The following DNAH2 variants were observed in gnomAD, a reference collection of about 807,000 sequenced individuals.
DNAH2 encodes the protein axonemal beta dynein heavy chain 2.
Under a neutral mutation model 523.5 loss-of-function variants are expected in DNAH2, and 323 were observed. That is an observed-to-expected ratio of 0.62 (90% CI 0.56 to 0.68). The LOEUF is 0.68. Among genes scored for constraint, DNAH2 ranks in the 30% least tolerant of loss-of-function variants. DNAH2 has a pLI of 0.00. For synonymous variants in DNAH2, 2,093 were observed against 2,177.4 expected, an observed-to-expected ratio of 0.96 and a Z score of 1.08; for missense variants, 4,907 against 5,701.5, an observed-to-expected ratio of 0.86 and a Z score of 4.49.
At chr17:7,752,160 TACACACACACAC>T (rs1555544463) in intron 12 of DNAH2, among the ~76,000 whole-genome samples, 1 of 124,952 alleles carries the variant, frequency 8.0e-6, no homozygotes, top group Non-Finnish European at 1.6e-5. Flanking sequence ...TAAGTCATTT[TACACACACACAC>T]ACACACACAC....
chr17:7,780,582 G>A lies in DNAH2; in HGVS notation c.5851-48G>A, dbSNP rs2076576282. 6.2e-7 allele frequency: 1 copy of A among 1,605,858 alleles called. No individual in the cohort carries two copies. The highest frequency in any genetic ancestry group is 1.3e-5 in the African/African-American group (1 of 74,840). On this transcript the variant is annotated intron_variant, in intron 37 of 85. Coordinates refer to ENST00000572933, the MANE Select transcript of DNAH2 (RefSeq NM_020877.5). The surrounding 1 kb of genome is among the most constrained non-coding windows in gnomAD (Gnocchi z 4.4). The stretch of plus-strand genomic sequence containing the variant: ...CTGACTGTCCTGAGATGAAGCAGAG[G>A]GATTTGTGGGGAGATGGACTGTTTC...
intron 48 of DNAH2, among the ~76,000 whole-genome samples, chr17:7,793,534 CTT>C (rs2076978886): frequency 8.8e-6 from 1 of 114,272 alleles, no homozygotes; most frequent in African/African-American, 3.1e-5. Context: ...CTCTTTCTTT[CTT>C]TTTCTTTCTT....
chr17:7,824,503 A>G (rs2077964698), intron 76 of DNAH2, 34 bp from the exon 77 acceptor site: 1 of 1,491,322 alleles, frequency 6.7e-7, no homozygotes, highest in Non-Finnish European at 9.0e-7. Context: ...GGGCTTAGGA[A>G]ATGATTCCCA....
At chr17:7,824,066 C>G in intron 75 of DNAH2, 55 bp from the exon 76 acceptor site, 3 of 1,574,332 alleles carry the variant, frequency 1.9e-6, no homozygotes, top group Non-Finnish European at 1.7e-6. Flanking sequence ...TCATCTCTCT[C>G]TCCCACTTTG....
Position 7,833,202 on chromosome 17 carries a change from C to T in DNAH2, c.13110C>T (p.Ser4370=). 6.2e-7 allele frequency: 1 copy of T among 1,607,528 alleles called. No homozygotes were observed. Among genetic ancestry groups the T allele is most frequent in the Non-Finnish European group, 8.5e-7 (1 of 1,179,982 alleles). ...CGATCCACTTCCGGCCTGCAGAGAG[C>T]CGCAAGAAGAGCGCCAAGGGTGGGA... ...MPTIHFRPAE[S]RKKSAKGMYS... The change falls in exon 85 of 86, where the codon AGC becomes AGT. Residue 4370 remains serine, a synonymous_variant. Coordinates refer to ENST00000572933, the MANE Select transcript of DNAH2 (RefSeq NM_020877.5).
intron 63 of DNAH2, among the ~76,000 whole-genome samples, chr17:7,813,076 C>A (rs980481135): frequency 3.9e-5 from 6 of 152,188 alleles, no homozygotes; most frequent in Middle Eastern, 3.4e-3. Context: ...AAAGAAGGAA[C>A]CTGGCTGAGT....
At chr17:7,829,212 C>T (rs1320380791) in intron 77 of DNAH2, among the ~76,000 whole-genome samples, 2 of 151,940 alleles carry the variant, frequency 1.3e-5, no homozygotes, top group Non-Finnish European at 2.9e-5. Context: ...AGGGGTTTCA[C>T]CATATTGGCC....
Position 7,832,898 on chromosome 17 carries a change from G to T in DNAH2, c.12948G>T (p.Val4316=). ...CCTGGGAGTTTATCGTTTCCACTGT[G>T]GATGACAGCAACCTAGTGTATCCCC... is the stretch of plus-strand genomic sequence containing the variant. The part of the protein sequence containing the change: ...SLSWEFIVST[V]DDSNLVYPPK... The change falls in exon 84 of 86, where the codon GTG becomes GTT. Residue 4316 remains valine, a synonymous_variant. Coordinates refer to ENST00000572933, the MANE Select transcript of DNAH2 (RefSeq NM_020877.5). This position sits in a 1 kb window ranked among gnomAD's most constrained non-coding sequence, Gnocchi z 4.3. The T allele has an allele frequency of 6.2e-7, 1 of 1,614,192 alleles. No individual in the cohort carries two copies. The highest frequency in any genetic ancestry group is 1.1e-5 in the South Asian group (1 of 91,084).
At chr17:7,736,708 G>A (rs1179205071) in intron 7 of DNAH2, among the ~76,000 whole-genome samples, 7 of 152,222 alleles carry the variant, frequency 4.6e-5, no homozygotes, top group South Asian at 2.1e-4. Flanking sequence ...TGGGCTGGGC[G>A]TGGTGGCTCA....
Position 7,792,734 on chromosome 17 carries a change from A to G in DNAH2, c.7223A>G (p.Asn2408Ser). ...YNYLVSSLVA[N>S]QNPILLVGPV... is the part of the protein sequence containing the mutation. ...TACCTGGTGAGCAGCTTGGTGGCCAACCAGAATCCCATTCTGCTGGTGGGT... is the reference window on the plus strand; with the variant it reads ...TACCTGGTGAGCAGCTTGGTGGCCAGCCAGAATCCCATTCTGCTGGTGGGT... Residue 2408 changes from asparagine (N) to serine (S), a missense_variant, in exon 47 of 86, where the codon AAC becomes AGC. Asn to Ser is a conservative substitution (Grantham distance 46). Around this residue, in one of 3 missense-constraint regions of DNAH2, gnomAD observed 2,806 missense variants for 3,190.8 expected, o/e 0.88. Transcript: ENST00000572933. 3 of 1,614,164 alleles carry G rather than the reference A, an allele frequency of 1.9e-6. No homozygotes were observed. The highest frequency in any genetic ancestry group is 1.1e-5 in the South Asian group (1 of 91,072).
intron 18 of DNAH2, 69 bp from the exon 19 acceptor site, chr17:7,763,762 C>T: frequency 6.3e-7 from 1 of 1,580,040 alleles, no homozygotes; most frequent in Non-Finnish European, 8.7e-7. Flanking sequence ...AGACCTGCAG[C>T]CCGTGTGGGG....
chr17:7,756,519 C>T (rs1248493049), intron 12 of DNAH2, among the ~76,000 whole-genome samples: 5 of 151,424 alleles, frequency 3.3e-5, no homozygotes, highest in African/African-American at 7.3e-5. Context: ...CAAGCGATCA[C>T]CTACCTCAGC....
chr17:7,776,474 G>T (rs1302730859), intron 31 of DNAH2, among the ~76,000 whole-genome samples: 1 of 151,748 alleles, frequency 6.6e-6, no homozygotes, highest in African/African-American at 2.4e-5. Context: ...TAAAAAAAGA[G>T]AAAAAAAGAA....
chr17:7,801,449 A>C, intron 56 of DNAH2, 129 bp from the exon 57 acceptor site: 6 of 1,300,490 alleles, frequency 4.6e-6, no homozygotes, highest in South Asian at 1.3e-5. Context: ...AATTTGGACA[A>C]GGAGATACAG....
chr17:7,792,174 G>T (rs148091119), intron 45 of DNAH2, 78 bp from the exon 46 acceptor site: 1 of 1,599,116 alleles, frequency 6.3e-7, no homozygotes, highest in East Asian at 2.2e-5. Flanking sequence ...TCTTCCACCC[G>T]GTGGTCTGGG....
intron 12 of DNAH2, among the ~76,000 whole-genome samples, chr17:7,751,987 G>C (rs2056089543): frequency 6.7e-6 from 1 of 150,010 alleles, no homozygotes; most frequent in South Asian, 2.1e-4. Flanking sequence ...ATGCAGGCTG[G>C]AGTGCAGTGA....
chr17:7,788,160 C>A lies in DNAH2; in HGVS notation c.6816C>A (p.Cys2272Ter). 2 of 1,614,140 alleles carry A rather than the reference C, an allele frequency of 1.2e-6. No individual in the cohort carries two copies. Among genetic ancestry groups the A allele is most frequent in the Non-Finnish European group, 1.7e-6 (2 of 1,180,000 alleles). The part of the protein sequence containing the change: ...NKMLAFKKDN[C>*]KELVPLPEYS... The stretch of plus-strand genomic sequence containing the variant: ...TGCTGGCCTTTAAGAAGGACAACTG[C>A]AAGGAGCTGGTGCCCCTGCCCGAGT... The change falls in exon 44 of 86, where the codon TGC (cysteine) becomes TGA (stop). Residue 2272 changes from cysteine to a stop codon, truncating the protein, a stop_gained. Coordinates refer to ENST00000572933, the MANE Select transcript of DNAH2 (RefSeq NM_020877.5). LOFTEE classifies it high-confidence loss of function.
rs1164303787 is a variant in DNAH2 at position 7,760,182 on chromosome 17, A to G, written c.2785+244A>G. On this transcript the variant is annotated intron_variant, in intron 17 of 85. Coordinates refer to ENST00000572933, the MANE Select transcript of DNAH2 (RefSeq NM_020877.5). The surrounding 1 kb of genome is among the most constrained non-coding windows in gnomAD (Gnocchi z 4.0). ...CAGGAGTTCGAGACTAGCCTGGCCAACATGGCAAAACCCCATCTCTACTAA... is the reference window on the plus strand; with the variant it reads ...CAGGAGTTCGAGACTAGCCTGGCCAGCATGGCAAAACCCCATCTCTACTAA... Among the ~76,000 whole-genome samples the G allele has an allele frequency of 6.6e-6, 1 of 152,204 alleles. No individual in the cohort carries two copies. Among genetic ancestry groups the G allele is most frequent in the Non-Finnish European group, 1.5e-5 (1 of 68,032 alleles).
chr17:7,817,985 C>A lies in DNAH2; in HGVS notation c.10276C>A (p.Arg3426=), dbSNP rs754471787. The change falls in exon 68 of 86, where the codon CGA becomes AGA. Residue 3426 remains arginine, a synonymous_variant. Transcript: ENST00000572933. Reference sequence around the variant, plus strand: ...CGACCTGCAGATGAGCGATTACCTGCGAATCCTAGAACACGCCATTCACTT... The same window carrying A: ...CGACCTGCAGATGAGCGATTACCTGAGAATCCTAGAACACGCCATTCACTT... ...IIDLQMSDYL[R]ILEHAIHFGY... The A allele has an allele frequency of 3.1e-6, 5 of 1,614,080 alleles. No homozygotes were observed. The highest frequency in any genetic ancestry group is 4.2e-6 in the Non-Finnish European group (5 of 1,180,014).
Sources: allele counts gnomAD v4.1 joint callset (sites outside exome capture counted in the v4.1 genomes callset), GRCh38; gene constraint gnomAD v4.1.1; regional missense constraint gnomAD v4.1.1; non-coding constraint Gnocchi (gnomAD v3.1); transcripts MANE v1.5; gene names NCBI Gene and HGNC (gene_info 2026-07-23, HGNC 2026-07-21).